The following KALRN variants were observed in gnomAD, a reference collection of about 807,000 sequenced individuals.
The protein encoded by KALRN is kalirin RhoGEF kinase.
Under a neutral mutation model 353.7 loss-of-function variants are expected in KALRN, and 70 were observed. The observed-to-expected ratio is 0.20, with a 90% CI of 0.16 to 0.24. The LOEUF (loss-of-function observed/expected upper bound fraction) is 0.24, where lower values mean the gene tolerates loss of function less well. Ranked by LOEUF, KALRN falls within the 10% of genes least tolerant of loss-of-function variation. The pLI is 1.00. For synonymous variants in KALRN, 1,391 were observed against 1,434.8 expected, an observed-to-expected ratio of 0.97 and a Z score of 0.69; for missense variants, 2,791 against 3,756.7, an observed-to-expected ratio of 0.74 and a Z score of 6.72.
chr3:124,517,923 T>C (rs990383048), intron 33 of KALRN, among the ~76,000 whole-genome samples: 2 of 152,282 alleles, frequency 1.3e-5, no homozygotes, highest in Admixed American at 1.3e-4. Flanking sequence ...CTAAAAGAGC[T>C]TAAACAAGAA....
At chr3:124,498,667 A>AACCTAGAAAATTCCTTAGACAT (rs1274687370) in intron 33 of KALRN, among the ~76,000 whole-genome samples, 1 of 152,218 alleles carries the variant, frequency 6.6e-6, no homozygotes, top group Non-Finnish European at 1.5e-5. Context: ...GTGTACACAA[A>AACCTAGAAAATTCCTTAGACAT]ACCTAGAAAA....
In KALRN at chr3:124,395,503, G is replaced by A. The variant is rs1221823244; in HGVS notation, c.2171+160G>A. 30 of 573,678 alleles carry A rather than the reference G, an allele frequency of 5.2e-5. No homozygotes were observed. The East Asian group carries it at 8.4e-4, about 16-fold the overall frequency. The allele number at this position is 573,678 out of a possible 1,614,324, so 35.5% of individuals were successfully genotyped here. On this transcript the variant is annotated intron_variant, in intron 12 of 59. Transcript: ENST00000682506. ...AAAATGCCTGCACCATACTCAACTT[G>A]AATCTAGAATAAAATAGTAAATGGA...
intron 1 of KALRN, among the ~76,000 whole-genome samples, chr3:124,220,506 G>A (rs2077778052): frequency 6.6e-6 from 1 of 151,704 alleles, no homozygotes; most frequent in African/African-American, 2.4e-5. Context: ...TTTCTCTTGT[G>A]TTAACATAGG....
intron 11 of KALRN, among the ~76,000 whole-genome samples, chr3:124,391,615 T>C (rs1160772687): frequency 6.6e-6 from 1 of 152,190 alleles, no homozygotes; most frequent in Non-Finnish European, 1.5e-5. Flanking sequence ...CTTTGGGACA[T>C]TGAGAGAGAT....
chr3:124,116,433 A>G (rs796982932), intron 1 of KALRN, among the ~76,000 whole-genome samples: 9 of 152,334 alleles, frequency 5.9e-5, no homozygotes, highest in African/African-American at 2.2e-4. Flanking sequence ...CCTATCTTAC[A>G]GATCAGGAAA....
chr3:124,357,833 C>A (rs2083591827), intron 10 of KALRN, among the ~76,000 whole-genome samples: 1 of 152,182 alleles, frequency 6.6e-6, no homozygotes, highest in African/African-American at 2.4e-5. Context: ...TAAACCAATG[C>A]CTAGCACAGT....
intron 34 of KALRN, among the ~76,000 whole-genome samples, chr3:124,580,568 G>A (rs113474933): frequency 4.6e-5 from 7 of 152,328 alleles, no homozygotes; most frequent in African/African-American, 1.4e-4. Context: ...GCAGGCTGGA[G>A]AATCTAGGCA....
chr3:124,698,272 G>A (rs1237937201), intron 55 of KALRN, among the ~76,000 whole-genome samples: 9 of 152,308 alleles, frequency 5.9e-5, no homozygotes, highest in African/African-American at 1.4e-4. Flanking sequence ...CACCGCGCCC[G>A]GCCTCCTGCT....
At chr3:124,156,313 T>C (rs1465184430) in intron 1 of KALRN, among the ~76,000 whole-genome samples, 1 of 152,216 alleles carries the variant, frequency 6.6e-6, no homozygotes, top group African/African-American at 2.4e-5. Context: ...TAAGTTTCCA[T>C]TTGGTGAACA....
At chr3:124,636,756 A>G (rs1189427841) in intron 36 of KALRN, among the ~76,000 whole-genome samples, 10 of 152,200 alleles carry the variant, frequency 6.6e-5, no homozygotes, top group Non-Finnish European at 1.5e-5. Context: ...GTAGTAAAGC[A>G]AGGACTGTTT....
intron 48 of KALRN, among the ~76,000 whole-genome samples, chr3:124,672,964 T>C (rs1217451624): frequency 1.3e-5 from 2 of 152,220 alleles, no homozygotes; most frequent in Non-Finnish European, 2.9e-5. Flanking sequence ...AAATTATTAG[T>C]GTCCAAGTTC....
chr3:124,523,923 G>T (rs1488081152), intron 33 of KALRN, among the ~76,000 whole-genome samples: 1 of 152,164 alleles, frequency 6.6e-6, no homozygotes, highest in Admixed American at 6.5e-5. Flanking sequence ...TTCTAAATCT[G>T]CTCTCATCTG....
chr3:124,616,835 G>A (rs568083697), intron 34 of KALRN, among the ~76,000 whole-genome samples: 6 of 152,032 alleles, frequency 3.9e-5, no homozygotes, highest in East Asian at 1.9e-4. Context: ...CATGGTGGCC[G>A]GCGCCTGTAG....
Position 124,150,409 on chromosome 3 carries a change from A to C in KALRN, c.74-77581A>C, listed in dbSNP as rs569911897. ...GTTTTTTAAATTATTATTATACTTT[A>C]AGTTCTAGGGTACATGTGCACAACG... On this transcript the variant is annotated intron_variant, in intron 1 of 59. Transcript: ENST00000682506. Among the ~76,000 whole-genome samples the C allele has an allele frequency of 9.9e-5, 15 of 152,210 alleles. No individual in the cohort carries two copies. In the South Asian group the frequency reaches 2.9e-3, roughly 29 times the overall value.
intron 3 of KALRN, among the ~76,000 whole-genome samples, chr3:124,253,570 C>G (rs894365777): frequency 1.3e-5 from 2 of 152,172 alleles, no homozygotes; most frequent in African/African-American, 4.8e-5. Context: ...TATGGCAGGG[C>G]CAGTGCCACC....
At chr3:124,668,043 GACACACACACAC>G (rs55672121) in intron 47 of KALRN, among the ~76,000 whole-genome samples, 2,566 of 138,378 alleles carry the variant, frequency 0.019, 56 homozygotes, top group African/African-American at 0.047. Context: ...TGTATATCGA[GACACACACACAC>G]ACACACACAC....
intron 2 of KALRN, among the ~76,000 whole-genome samples, chr3:124,232,923 G>A (rs78597679): frequency 0.06 from 9,162 of 152,018 alleles, 367 homozygotes; most frequent in Non-Finnish European, 0.086. Context: ...CCTGAGCATA[G>A]TGTCCATTAG....
intron 8 of KALRN, among the ~76,000 whole-genome samples, chr3:124,331,144 A>C (rs1429293850): frequency 6.6e-6 from 1 of 152,182 alleles, no homozygotes; most frequent in Non-Finnish European, 1.5e-5. Flanking sequence ...CTCATAGGAT[A>C]GTGTTGAGGT....
chr3:124,687,718 C>CA (rs2061628708), intron 51 of KALRN, among the ~76,000 whole-genome samples: 1 of 147,662 alleles, frequency 6.8e-6, no homozygotes, highest in East Asian at 2.0e-4. Flanking sequence ...CAAACCTCAA[C>CA]AAAAAACAAG....
Sources: allele counts gnomAD v4.1 joint callset (sites outside exome capture counted in the v4.1 genomes callset), GRCh38; gene constraint gnomAD v4.1.1; transcripts MANE v1.5; gene names NCBI Gene and HGNC (gene_info 2026-07-23, HGNC 2026-07-21).